Variants in POC1A observed in about 807,000 individuals in gnomAD.
POC1A encodes the protein POC1 centriolar protein A, also known as POC1 centriolar protein homolog A.
A neutral mutation model predicts 47.8 loss-of-function variants in POC1A; 34 were observed. That is an observed-to-expected ratio of 0.71 (90% CI 0.54 to 0.95). The LOEUF (loss-of-function observed/expected upper bound fraction) is 0.95. Among genes scored for constraint, POC1A ranks in the 40% least tolerant of loss-of-function variants. POC1A has a pLI of 0.00. For missense variants in POC1A, 466 were observed against 528.3 expected (o/e 0.88, Z 1.16); for synonymous variants, 177 against 207.6 (o/e 0.85, Z 1.27).
chr3:52,092,698 G>A (rs571848901), intron 10 of POC1A, among the ~76,000 whole-genome samples: 41 of 152,196 alleles, frequency 2.7e-4, no homozygotes, highest in African/African-American at 9.6e-4. Flanking sequence ...GCACCTGCTC[G>A]GCTCACAAGG....
Position 52,083,281 on chromosome 3 carries a change from G to A in POC1A, c.1126-7296C>T, listed in dbSNP as rs76190087. Among the ~76,000 whole-genome samples the A allele has an allele frequency of 2.5e-3, 379 of 152,266 alleles. 10 individuals are homozygous for A. The East Asian group carries it at 0.056, about 23-fold the overall frequency. Reference sequence around the variant, plus strand: ...CTGGACAGGCACAGAGGAGGTGGGAGCATAGTGCTTCTGGAGAGGGTGAGG... The same window carrying A: ...CTGGACAGGCACAGAGGAGGTGGGAACATAGTGCTTCTGGAGAGGGTGAGG... On this transcript the variant is annotated intron_variant, in intron 10 of 10. Transcript: ENST00000296484.
chr3:52,146,944 G>T, intron 5 of POC1A, 44 bp downstream of exon 5: 1 of 1,511,056 alleles, frequency 6.6e-7, no homozygotes, highest in Non-Finnish European at 9.2e-7. Context: ...TCTGTGCTCT[G>T]TGCTTGAGCG....
At chr3:52,137,092 C>T (rs557354643) in intron 7 of POC1A, among the ~76,000 whole-genome samples, 2 of 152,172 alleles carry the variant, frequency 1.3e-5, no homozygotes, top group Non-Finnish European at 2.9e-5. Context: ...CCAGCAGCCA[C>T]CCCCTCTGGA....
intron 10 of POC1A, 151 bp from the exon 11 acceptor site, chr3:52,076,136 T>C (rs1702108571): frequency 1.6e-6 from 1 of 634,814 alleles, no homozygotes; most frequent in Non-Finnish European, 2.9e-6. Flanking sequence ...GCCCCTTGTC[T>C]CTGGTGCTAT....
intron 9 of POC1A, among the ~76,000 whole-genome samples, chr3:52,106,378 C>T (rs571200476): frequency 6.6e-6 from 1 of 152,044 alleles, no homozygotes; most frequent in Non-Finnish European, 1.5e-5. Flanking sequence ...TGTGAAGGGG[C>T]CAGGTGTGAT....
intron 1 of POC1A, among the ~76,000 whole-genome samples, chr3:52,153,445 C>T (rs1327289245): frequency 1.3e-5 from 2 of 152,264 alleles, no homozygotes; most frequent in Non-Finnish European, 2.9e-5. Flanking sequence ...TGCCCAGCTC[C>T]ACCCCTAACG....
chr3:52,153,148 A>G (rs1698609068), intron 1 of POC1A, among the ~76,000 whole-genome samples: 2 of 152,242 alleles, frequency 1.3e-5, no homozygotes, highest in Non-Finnish European at 2.9e-5. Flanking sequence ...TGTACACTTT[A>G]AAAGGTGAAT....
chr3:52,092,002 G>C (rs1247856052), intron 10 of POC1A, among the ~76,000 whole-genome samples: 1 of 152,230 alleles, frequency 6.6e-6, no homozygotes, highest in East Asian at 1.9e-4. Context: ...GAACAGAGCA[G>C]CCCTGAAACT....
chr3:52,076,079 C>CA, intron 10 of POC1A, 94 bp from the exon 11 acceptor site: 4 of 895,910 alleles, frequency 4.5e-6, no homozygotes, highest in African/African-American at 1.6e-5. Context: ...CTGCCTCAGC[C>CA]ACTGCCCAAA....
At chr3:52,127,854 C>A (rs1039265807) in intron 7 of POC1A, among the ~76,000 whole-genome samples, 19 of 152,112 alleles carry the variant, frequency 1.2e-4, no homozygotes, top group Admixed American at 1.3e-4. Context: ...CTCCACCACA[C>A]CCGGCTAATT....
At chr3:52,152,431 G>A (rs568812011) in intron 1 of POC1A, among the ~76,000 whole-genome samples, 2 of 152,182 alleles carry the variant, frequency 1.3e-5, no homozygotes, top group African/African-American at 4.8e-5. Flanking sequence ...TTAGCTAGGC[G>A]TGGTGGTGGG....
At chr3:52,108,186 A>G (rs1167653177) in intron 9 of POC1A, among the ~76,000 whole-genome samples, 2 of 152,240 alleles carry the variant, frequency 1.3e-5, no homozygotes, top group Non-Finnish European at 2.9e-5. Context: ...ACCTTGATCA[A>G]TGGTGACACT....
intron 8 of POC1A, among the ~76,000 whole-genome samples, chr3:52,122,813 G>A (rs1381267679): frequency 6.6e-6 from 1 of 152,244 alleles, no homozygotes; most frequent in East Asian, 1.9e-4. Context: ...TGCTTCAACA[G>A]CACCACCTTC....
At chr3:52,111,421 C>G (rs969148671) in intron 9 of POC1A, among the ~76,000 whole-genome samples, 19 of 152,032 alleles carry the variant, frequency 1.2e-4, no homozygotes, top group East Asian at 9.6e-4. Flanking sequence ...CCAAGGCGGG[C>G]AGATCACCAG....
chr3:52,111,191 T>C (rs1703367693), intron 9 of POC1A, among the ~76,000 whole-genome samples: 1 of 152,160 alleles, frequency 6.6e-6, no homozygotes, highest in African/African-American at 2.4e-5. Context: ...TACTTGCTTT[T>C]AGAATGGATG....
chr3:52,139,474 T>C (rs2107165550), intron 6 of POC1A, among the ~76,000 whole-genome samples: 1 of 152,264 alleles, frequency 6.6e-6, no homozygotes, highest in Middle Eastern at 3.4e-3. Flanking sequence ...TTACCCCTTG[T>C]TTCCAATGGG....
rs767347627 is a variant in POC1A at position 52,096,646 on chromosome 3, G to C, written c.1048C>G (p.Gln350Glu). The C allele has an allele frequency of 4.3e-6, 7 of 1,613,002 alleles. 1 individual carries two copies. The highest frequency in any genetic ancestry group is 5.9e-6 in the Non-Finnish European group (7 of 1,179,610). The change falls in exon 10 of 11, where the codon CAG (glutamine) becomes GAG (glutamate). Residue 350 changes from glutamine to glutamate, a missense_variant. Gln to Glu is a conservative substitution (Grantham distance 29, BLOSUM62 2). Transcript: ENST00000296484. Reference sequence around the variant, plus strand: ...GTCTGGGGCACACTCACGGGCTCCTGGGGCTGGCTCTGCACAGACTCCACA... The same window carrying C: ...GTCTGGGGCACACTCACGGGCTCCTCGGGCTGGCTCTGCACAGACTCCACA... ...RSVESVQSQP[Q>E]EPVSVPQTLT...
chr3:52,111,718 A>G (rs1030855369), intron 9 of POC1A, among the ~76,000 whole-genome samples: 8 of 151,508 alleles, frequency 5.3e-5, no homozygotes, highest in African/African-American at 1.9e-4. Context: ...TTCAAATGTT[A>G]AGCCATATAC....
At chr3:52,109,645 C>G (rs1324123214) in intron 9 of POC1A, among the ~76,000 whole-genome samples, 13 of 152,146 alleles carry the variant, frequency 8.5e-5, no homozygotes, top group Admixed American at 8.5e-4. Flanking sequence ...TTGTCTAAGT[C>G]CACGGAACGT....
Sources: allele counts gnomAD v4.1 joint callset (sites outside exome capture counted in the v4.1 genomes callset), GRCh38; gene constraint gnomAD v4.1.1; transcripts MANE v1.5; gene names NCBI Gene and HGNC (gene_info 2026-07-23, HGNC 2026-07-21).